The following NR2C1 variants were observed in gnomAD, a reference collection of about 807,000 sequenced individuals.
The protein encoded by NR2C1 is nuclear receptor subfamily 2 group C member 1.
In NR2C1, 33 loss-of-function variants were observed where a neutral mutation model predicts 74.8. The ratio of observed to expected loss-of-function variants is 0.44; its 90% CI spans 0.33 to 0.59. The LOEUF is 0.59. Ranked by LOEUF, NR2C1 falls within the 20% of genes least tolerant of loss-of-function variation. The pLI, the probability that NR2C1 is intolerant of heterozygous loss-of-function variation, is 0.02. For missense variants in NR2C1, 568 were observed against 715.6 expected (o/e 0.79, Z 2.35); for synonymous variants, 225 against 240.6 (o/e 0.94, Z 0.60).
At chr12:95,030,179 T>C (rs1366901463) in intron 11 of NR2C1, among the ~76,000 whole-genome samples, 1 of 152,150 alleles carries the variant, frequency 6.6e-6, no homozygotes, top group Non-Finnish European at 1.5e-5. Flanking sequence ...GGCTGAAATG[T>C]TTGCTTTCAA....
chr12:95,050,561 G>T (rs116549941), intron 8 of NR2C1, among the ~76,000 whole-genome samples: 2 of 151,800 alleles, frequency 1.3e-5, no homozygotes, highest in Admixed American at 1.3e-4. Flanking sequence ...CACCCCTCTC[G>T]GCCTCCTAAA....
intron 9 of NR2C1, among the ~76,000 whole-genome samples, chr12:95,047,870 C>T (rs1872505702): frequency 6.6e-6 from 1 of 152,118 alleles, no homozygotes; most frequent in South Asian, 2.1e-4. Context: ...TAGTCTTCTA[C>T]ATGTATTATT....
At position 95,025,330 on chromosome 12, in the gene NR2C1, A is replaced by C. The variant is rs181971577; in HGVS notation, c.1532-75T>G. The C allele has an allele frequency of 4.0e-6, 3 of 752,354 alleles. No individual in the cohort carries two copies. The East Asian group carries it at 8.3e-5, about 21-fold the overall frequency. The allele number at this position is 752,354 out of a possible 1,614,324, so 46.6% of individuals were successfully genotyped here. ...AGACAGAGTGGATATGAAAAGAGAC[A>C]GAAAGAATAGTCAAAATAGAAGCCC... On this transcript the variant is annotated intron_variant, in intron 12 of 13. Transcript: ENST00000333003.
At chr12:95,040,125 T>C (rs1229531199) in intron 10 of NR2C1, among the ~76,000 whole-genome samples, 2 of 151,862 alleles carry the variant, frequency 1.3e-5, no homozygotes, top group African/African-American at 4.8e-5. Context: ...ACTGAAACAG[T>C]AGTGATGAGA....
chr12:95,057,838 T>G lies in NR2C1; in HGVS notation c.585A>C (p.Glu195Asp). 6.2e-7 allele frequency: 1 copy of G among 1,614,084 alleles called. No individual in the cohort carries two copies. The change falls in exon 6 of 14, where the codon GAA becomes GAC. Residue 195 changes from glutamate (E) to aspartate (D), a missense_variant. Physicochemically the swap from Glu to Asp is conservative, Grantham distance 45. This residue lies in a region of NR2C1 where 239 missense variants were observed against 232.3 expected (regional missense o/e 1.03). Coordinates refer to ENST00000333003, the MANE Select transcript of NR2C1 (RefSeq NM_003297.4). ...CERKPIEVSR[E>D]KSSNCAASTE... ...TTGAAGCGGCACAGTTGGAAGATTT[T>G]TCTCGTGATACTTCAATGGGTTTTC...
intron 10 of NR2C1, among the ~76,000 whole-genome samples, chr12:95,033,782 G>GT (rs1382789093): frequency 6.6e-6 from 1 of 152,188 alleles, no homozygotes; most frequent in Non-Finnish European, 1.5e-5. Context: ...GACCAATGCA[G>GT]TACATGGTAC....
At chr12:95,029,208 A>C (rs1490186069) in intron 11 of NR2C1, among the ~76,000 whole-genome samples, 3 of 151,920 alleles carry the variant, frequency 2.0e-5, no homozygotes, top group African/African-American at 7.3e-5. Flanking sequence ...CAGCCTCCTG[A>C]GTAGTTGGGA....
rs1322746940 is a variant in NR2C1 at position 95,029,088 on chromosome 12, T to A, written c.1394-564A>T. On this transcript the variant is annotated intron_variant, in intron 11 of 13. Transcript: ENST00000333003. Reference sequence around the variant, plus strand: ...AAAATCGTAAGTAGAAAGGTTTATATTTATTTTTCTTGAGACAGGGTCTCG... The same window carrying A: ...AAAATCGTAAGTAGAAAGGTTTATAATTATTTTTCTTGAGACAGGGTCTCG... Among the ~76,000 whole-genome samples, 4 of 152,222 alleles carry A rather than the reference T, an allele frequency of 2.6e-5. No homozygotes were observed. In the South Asian group the frequency reaches 8.3e-4, roughly 32 times the overall value.
rs570185714 is a variant in NR2C1 at position 95,072,455 on chromosome 12, C to CAAAAAAAAAAA, written c.-8+914_-8+924dup. Among the ~76,000 whole-genome samples, 2 of 60,280 alleles carry CAAAAAAAAAAA rather than the reference C, an allele frequency of 3.3e-5. 1 individual carries two copies. Among genetic ancestry groups the CAAAAAAAAAAA allele is most frequent in the African/African-American group, 1.2e-4 (2 of 16,894 alleles). 39.5% of individuals were successfully genotyped at this position (60,280 alleles called of 152,430 possible). ...CGACAGTGAGACTCCCTCTCCCTCT[C>CAAAAAAAAAAA]AAAAAAAAAAAAAAAAAAAGAAAAA... On this transcript the variant is annotated intron_variant, in intron 1 of 13. Transcript: ENST00000333003.
intron 2 of NR2C1, among the ~76,000 whole-genome samples, chr12:95,065,111 A>G (rs1227275825): frequency 1.3e-5 from 2 of 152,226 alleles, no homozygotes; most frequent in African/African-American, 2.4e-5. Context: ...TTCAATAGAG[A>G]AGAGTAGTAA....
intron 3 of NR2C1, among the ~76,000 whole-genome samples, chr12:95,060,700 CTTTAGG>C (rs965294340): frequency 3.9e-5 from 6 of 152,234 alleles, no homozygotes; most frequent in South Asian, 2.1e-4. Flanking sequence ...TAGTTTCTTC[CTTTAGG>C]TTTATCTTTC....
chr12:95,051,401 T>C (rs1872985718), intron 8 of NR2C1, among the ~76,000 whole-genome samples: 1 of 152,218 alleles, frequency 6.6e-6, no homozygotes, highest in Non-Finnish European at 1.5e-5. Flanking sequence ...AAATGGCACA[T>C]GTACAGGCCA....
chr12:95,055,573 T>TTA (rs1873705865), intron 7 of NR2C1, among the ~76,000 whole-genome samples: 1 of 152,212 alleles, frequency 6.6e-6, no homozygotes, highest in Non-Finnish European at 1.5e-5. Context: ...TTTCCGAGCC[T>TTA]AAGTATTTAG....
At chr12:95,034,606 C>T (rs959536101) in intron 10 of NR2C1, among the ~76,000 whole-genome samples, 1 of 152,208 alleles carries the variant, frequency 6.6e-6, no homozygotes, top group Non-Finnish European at 1.5e-5. Context: ...GAAGTACAGT[C>T]ATGCATAGCA....
At chr12:95,069,063 G>C (rs1592802138) in intron 1 of NR2C1, among the ~76,000 whole-genome samples, 1 of 152,202 alleles carries the variant, frequency 6.6e-6, no homozygotes, top group Non-Finnish European at 1.5e-5. Flanking sequence ...TGCAAGTTTG[G>C]AAACAGGAAT....
In NR2C1 at chr12:95,022,316, G is replaced by A. The variant is rs1453043276; in HGVS notation, c.1725C>T (p.Gly575=). Residue 575 remains glycine, a synonymous_variant, in exon 14 of 14, where the codon GGC becomes GGT. Transcript: ENST00000333003. The part of the protein sequence containing the change: ...TEELFFKGLI[G]NIRIDSVIPH... ...GGATAACACTGTCAATTCGTATATT[G>A]CCAATGAGACCTTTGAAAAACAATT... 1.2e-6 allele frequency: 2 copies of A among 1,612,898 alleles called. No homozygotes were observed. The highest frequency in any genetic ancestry group is 2.7e-5 in the African/African-American group (2 of 74,836).
At chr12:95,068,726 G>A (rs1304147074) in intron 1 of NR2C1, among the ~76,000 whole-genome samples, 3 of 151,674 alleles carry the variant, frequency 2.0e-5, no homozygotes, top group African/African-American at 7.3e-5. Context: ...CCTGGGAGGC[G>A]GAGGTTGCGG....
At chr12:95,040,361 TATA>T (rs1345234260) in intron 10 of NR2C1, 112 bp downstream of exon 10, 82 of 952,180 alleles carry the variant, frequency 8.6e-5, no homozygotes, top group South Asian at 1.2e-4. Flanking sequence ...AACTTAAAGC[TATA>T]ATGTTATACT....
chr12:95,041,684 G>A (rs1025810356), intron 9 of NR2C1, among the ~76,000 whole-genome samples: 1 of 152,094 alleles, frequency 6.6e-6, no homozygotes, highest in African/African-American at 2.4e-5. Context: ...GTATAGTGAG[G>A]ATACAGAAAA....
Sources: gnomAD v4.1 joint callset for allele counts (sites outside exome capture counted in the v4.1 genomes callset) on GRCh38, gnomAD v4.1.1 for gene constraint, gnomAD v4.1.1 regional missense constraint, MANE v1.5 for transcripts, NCBI Gene and HGNC (gene_info 2026-07-23, HGNC 2026-07-21) for gene names.